Variants in PIWIL1 observed in about 807,000 individuals in gnomAD.
The protein encoded by PIWIL1 is piwi-like protein 1.
PIWIL1 carries 73 observed loss-of-function variants against 114.4 expected under a neutral mutation model. That is an observed-to-expected ratio of 0.64 (90% CI 0.53 to 0.78). PIWIL1 has a LOEUF of 0.78. Among genes scored for constraint, PIWIL1 ranks in the 30% least tolerant of loss-of-function variants. The pLI, the probability that PIWIL1 is intolerant of heterozygous loss-of-function variation, is 0.00. For missense variants in PIWIL1, 723 were observed against 1,063.1 expected (o/e 0.68, Z 4.45); for synonymous variants, 375 against 369.0 (o/e 1.02, Z -0.19).
At chr12:130,423,490 C>T in the PIWIL1 span, among the ~76,000 whole-genome samples, 39 of 152,078 alleles carry the variant, frequency 2.6e-4, no homozygotes, top group Middle Eastern at 3.4e-3. Flanking sequence ...AAAGAGGACA[C>T]AATATAGAGA....
chr12:130,400,152 C>G, the PIWIL1 span, among the ~76,000 whole-genome samples: 1 of 152,154 alleles, frequency 6.6e-6, no homozygotes, highest in Non-Finnish European at 1.5e-5. Flanking sequence ...CCTGGCTGAT[C>G]TGAGGCACTA....
At position 130,352,049 on chromosome 12, in the gene PIWIL1, T is replaced by C. The variant is rs555927645; in HGVS notation, c.1044+2082T>C. On this transcript the variant is annotated intron_variant, in intron 9 of 20. Transcript: ENST00000245255. ...TCCCCTCTGTTGGACACACCTTGTA[T>C]GCTTATGCTTGAGATCTCAGCTCAG... 3.3e-5 allele frequency among the ~76,000 whole-genome samples: 5 copies of C among 152,324 alleles called. No individual in the cohort carries two copies. In the East Asian group the frequency reaches 9.7e-4, roughly 29 times the overall value.
intron 1 of PIWIL1, among the ~76,000 whole-genome samples, chr12:130,341,945 G>T (rs1021451760): frequency 2.0e-5 from 3 of 152,134 alleles, no homozygotes; most frequent in Non-Finnish European, 4.4e-5. Context: ...TGAAATCAAT[G>T]ACTCCATTCT....
At chr12:130,409,970 G>A in the PIWIL1 span, among the ~76,000 whole-genome samples, 1 of 152,198 alleles carries the variant, frequency 6.6e-6, no homozygotes, top group Non-Finnish European at 1.5e-5. Flanking sequence ...AGAAACCAGC[G>A]AACTGTTTTG....
intron 1 of PIWIL1, among the ~76,000 whole-genome samples, chr12:130,340,638 AG>A (rs1252877689): frequency 6.3e-4 from 2 of 3,168 alleles, no homozygotes; most frequent in East Asian, 0.016. Flanking sequence ...TGGTTGGGGG[AG>A]GGGGGGTGGG....
At chr12:130,415,259 A>G in the PIWIL1 span, among the ~76,000 whole-genome samples, 9 of 152,234 alleles carry the variant, frequency 5.9e-5, no homozygotes, top group Non-Finnish European at 1.2e-4. Flanking sequence ...ATGCAAATCA[A>G]TAAATATGAT....
the PIWIL1 span, among the ~76,000 whole-genome samples, chr12:130,391,281 C>T: frequency 1.1e-4 from 17 of 152,204 alleles, no homozygotes; most frequent in South Asian, 2.1e-4. Flanking sequence ...TCAGGAACAA[C>T]GCGGGTGAGA....
chr12:130,357,838 G>A lies in PIWIL1; in HGVS notation c.1665+285G>A, dbSNP rs2073406880. The stretch of plus-strand genomic sequence containing the variant: ...GGCTTTACTTAGTCTAGAAAATTTG[G>A]AAAATACAGAAAAGCACAGAGGTAA... On this transcript the variant is annotated intron_variant, in intron 14 of 20. Coordinates refer to ENST00000245255, the MANE Select transcript of PIWIL1 (RefSeq NM_004764.5). 2.0e-5 allele frequency among the ~76,000 whole-genome samples: 3 copies of A among 152,178 alleles called. No individual in the cohort carries two copies. In the South Asian group the frequency reaches 6.2e-4, roughly 32 times the overall value.
chr12:130,373,965 T>TA (rs1304467175), downstream of PIWIL1, among the ~76,000 whole-genome samples: 2 of 152,274 alleles, frequency 1.3e-5, no homozygotes, highest in South Asian at 4.2e-4. Context: ...GCTTTAGTGT[T>TA]AAACACACTG....
intron 9 of PIWIL1, 67 bp from the exon 10 acceptor site, chr12:130,354,470 T>G (rs932148154): frequency 1.3e-6 from 2 of 1,597,918 alleles, no homozygotes; most frequent in Admixed American, 1.7e-5. Context: ...AATGAAACCC[T>G]TTTTGCCCAC....
the PIWIL1 span, chr12:130,422,691 G>T: frequency 6.0e-6 from 4 of 664,640 alleles, no homozygotes; most frequent in Non-Finnish European, 1.0e-5. The surrounding 1 kb of genome is among the most constrained non-coding windows in gnomAD (Gnocchi z 5.2). Flanking sequence ...TAACTGAAAG[G>T]TTAGCTGAAT....
At chr12:130,406,673 A>G in the PIWIL1 span, among the ~76,000 whole-genome samples, 1 of 152,188 alleles carries the variant, frequency 6.6e-6, no homozygotes, top group Non-Finnish European at 1.5e-5. Flanking sequence ...TTGAGACAGA[A>G]TCTCACTGTG....
rs150765320 is a variant in PIWIL1 at position 130,340,067 on chromosome 12, C to G, written c.-13+1921C>G. Among the ~76,000 whole-genome samples the G allele has an allele frequency of 3.3e-5, 5 of 152,232 alleles. No homozygotes were observed. In the East Asian group the frequency reaches 7.7e-4, roughly 24 times the overall value. On this transcript the variant is annotated intron_variant, in intron 1 of 20. Transcript: ENST00000245255. ...TGCAGAGATGTGGGGAGGGAGAAAACAGGTTACCATGTAGTAGGGTGACCG... is the reference window on the plus strand; with the variant it reads ...TGCAGAGATGTGGGGAGGGAGAAAAGAGGTTACCATGTAGTAGGGTGACCG...
downstream of PIWIL1, among the ~76,000 whole-genome samples, chr12:130,375,496 G>A (rs903232177): frequency 4.6e-5 from 7 of 152,118 alleles, no homozygotes; most frequent in Non-Finnish European, 8.8e-5. Context: ...CCTGAACCGC[G>A]TTTGCTCTGC....
the PIWIL1 span, among the ~76,000 whole-genome samples, chr12:130,400,585 G>T: frequency 1.2e-4 from 19 of 152,214 alleles, no homozygotes; most frequent in Non-Finnish European, 2.6e-4. Flanking sequence ...GGCTGGCTCT[G>T]GGCAACACGG....
chr12:130,425,686 A>T, the PIWIL1 span: 2 of 152,010 alleles, frequency 1.3e-5, no homozygotes, highest in Non-Finnish European at 2.9e-5. Flanking sequence ...CCCTCAACTC[A>T]CCCTCTACCC....
At chr12:130,345,634 A>T in intron 3 of PIWIL1, 119 bp from the exon 4 acceptor site, 1 of 1,033,286 alleles carries the variant, frequency 9.7e-7, no homozygotes, top group Non-Finnish European at 1.4e-6. Context: ...GGATTGTTTT[A>T]TGCCTTGTCT....
chr12:130,406,033 C>A, the PIWIL1 span: 68 of 623,512 alleles, frequency 1.1e-4, no homozygotes, highest in African/African-American at 1.2e-3. Context: ...TATAACTCAG[C>A]CAATTAAGCA....
At chr12:130,362,121 A>T (rs2073528792) in intron 16 of PIWIL1, among the ~76,000 whole-genome samples, 1 of 152,216 alleles carries the variant, frequency 6.6e-6, no homozygotes, top group East Asian at 1.9e-4. Context: ...CAGGTTTGTT[A>T]CATAGGTAAA....
Sources: allele counts gnomAD v4.1 joint callset (sites outside exome capture counted in the v4.1 genomes callset), GRCh38; gene constraint gnomAD v4.1.1; non-coding constraint Gnocchi (gnomAD v3.1); transcripts MANE v1.5; gene names NCBI Gene and HGNC (gene_info 2026-07-23, HGNC 2026-07-21).